LARGE1: variants seen among roughly 807,000 people sequenced by gnomAD.
The protein encoded by LARGE1 is LARGE xylosyl- and glucuronyltransferase 1.
In LARGE1, 43 loss-of-function variants were observed where a neutral mutation model predicts 87.6. That is an observed-to-expected ratio of 0.49 (90% CI 0.38 to 0.63). The LOEUF is 0.63. LARGE1 is among the 30% of genes least tolerant of loss of function. The pLI is 0.00. For synonymous variants in LARGE1, 434 were observed against 394.6 expected (o/e 1.10, Z -1.18); for missense variants, 802 against 1,000.2 (o/e 0.80, Z 2.67).
rs1262940769 is a variant in LARGE1, at chr22:33,564,871, C to G, written c.764G>C (p.Trp255Ser). The G allele has an allele frequency of 6.2e-7, 1 of 1,614,154 alleles. No individual in the cohort carries two copies. Among genetic ancestry groups the G allele is most frequent in the Non-Finnish European group, 8.5e-7 (1 of 1,180,028 alleles). The change falls in exon 6 of 15, where the codon TGG becomes TCG. Residue 255 changes from tryptophan to serine, a missense_variant. Trp to Ser is a radical substitution (Grantham distance 177). Coordinates refer to ENST00000397394, the MANE Select transcript of LARGE1 (RefSeq NM_133642.5). ...ITFATDIAEL[W>S]AVFHKFKGQQ... ...ACCTTTGAACTTGTGGAACACAGCCCACAGCTCTGCAATGTCAGTGGCAAA... is the reference window on the plus strand; with the variant it reads ...ACCTTTGAACTTGTGGAACACAGCCGACAGCTCTGCAATGTCAGTGGCAAA...
At chr22:33,497,309 C>G (rs1014762064) in intron 6 of LARGE1, among the ~76,000 whole-genome samples, 2 of 152,168 alleles carry the variant, frequency 1.3e-5, no homozygotes, top group Non-Finnish European at 2.9e-5. Flanking sequence ...CTCCTCACCT[C>G]AAGTGATCCA....
the LARGE1 span, among the ~76,000 whole-genome samples, chr22:33,122,047 C>T: frequency 1.3e-5 from 2 of 152,204 alleles, no homozygotes; most frequent in African/African-American, 2.4e-5. Context: ...GCTGGGGACA[C>T]AGTCAAACCA....
intron 5 of LARGE1, among the ~76,000 whole-genome samples, chr22:33,565,840 C>A (rs539169911): frequency 6.6e-6 from 1 of 152,206 alleles, no homozygotes; most frequent in Non-Finnish European, 1.5e-5. Flanking sequence ...GGTACACACA[C>A]GGGTGCCATT....
At chr22:33,723,051 T>G (rs2083157195) in intron 2 of LARGE1, among the ~76,000 whole-genome samples, 1 of 151,940 alleles carries the variant, frequency 6.6e-6, no homozygotes. Context: ...GAACAGGGAG[T>G]GGCACAGCCT....
rs572312633 is a variant in LARGE1 at position 33,287,359 on chromosome 22, A to G, written c.1731-4011T>C. Among the ~76,000 whole-genome samples the G allele has an allele frequency of 2.0e-5, 3 of 152,340 alleles. No homozygotes were observed. In the South Asian group the frequency reaches 6.2e-4, roughly 32 times the overall value. ...CCTAGCAAGCCTTATTTCCCTCTGC[A>G]TAGATAGCACCAGATTCCAGAGTGC... On this transcript the variant is annotated intron_variant, in intron 12 of 14. Coordinates refer to ENST00000397394, the MANE Select transcript of LARGE1 (RefSeq NM_133642.5).
chr22:33,314,853 T>C (rs1000682931), intron 11 of LARGE1, among the ~76,000 whole-genome samples: 2 of 152,198 alleles, frequency 1.3e-5, no homozygotes, highest in African/African-American at 2.4e-5. Context: ...CATGTAGCCC[T>C]GGCTGAGTGA....
At chr22:33,291,290 A>C (rs1932503938) in intron 12 of LARGE1, among the ~76,000 whole-genome samples, 1 of 152,240 alleles carries the variant, frequency 6.6e-6, no homozygotes, top group Non-Finnish European at 1.5e-5. Flanking sequence ...TGGTCCAATC[A>C]GACCCATCCT....
intron 10 of LARGE1, 114 bp downstream of exon 10, chr22:33,337,532 T>C: frequency 3.2e-6 from 4 of 1,268,680 alleles, no homozygotes; most frequent in Non-Finnish European, 4.5e-6. Flanking sequence ...ACCGATGGCG[T>C]TGTGTTCACC....
intron 12 of LARGE1, among the ~76,000 whole-genome samples, chr22:33,295,927 G>A (rs1232263148): frequency 6.6e-6 from 1 of 152,154 alleles, no homozygotes; most frequent in African/African-American, 2.4e-5. Flanking sequence ...AGTCAGAGAG[G>A]GGCAGGTGAG....
chr22:33,547,933 G>A (rs2077409063), intron 6 of LARGE1, among the ~76,000 whole-genome samples: 2 of 150,744 alleles, frequency 1.3e-5, no homozygotes, highest in African/African-American at 4.9e-5. Context: ...TAAAACTGTT[G>A]CCATAAAAAA....
chr22:33,661,684 G>A (rs1298479590), intron 2 of LARGE1, among the ~76,000 whole-genome samples: 1 of 152,074 alleles, frequency 6.6e-6, no homozygotes, highest in African/African-American at 2.4e-5. Context: ...TGCCCCTCCT[G>A]CTTCACTTGA....
At chr22:33,089,464 C>CTCT in the LARGE1 span, among the ~76,000 whole-genome samples, 96 of 142,472 alleles carry the variant, frequency 6.7e-4, 2 homozygotes, top group East Asian at 7.1e-3. Context: ...CCTCCTCTTC[C>CTCT]TCTTCTTCTT....
At chr22:33,622,014 C>A (rs185549502) in intron 4 of LARGE1, among the ~76,000 whole-genome samples, 7 of 152,250 alleles carry the variant, frequency 4.6e-5, no homozygotes. Flanking sequence ...GGAATACAAG[C>A]CATACAGGGA....
chr22:33,199,703 T>C (rs1256280520), intron 11 of LARGE1, among the ~76,000 whole-genome samples: 2 of 152,192 alleles, frequency 1.3e-5, no homozygotes, highest in Non-Finnish European at 2.9e-5. Context: ...CTCTATTCTG[T>C]TCTGTTAATC....
At chr22:33,640,827 C>T (rs927210527) in intron 3 of LARGE1, among the ~76,000 whole-genome samples, 14 of 152,286 alleles carry the variant, frequency 9.2e-5, no homozygotes, top group African/African-American at 3.4e-4. Flanking sequence ...GAACTCATGA[C>T]GGCATGGCAA....
At chr22:33,603,679 G>A (rs1449873239) in intron 5 of LARGE1, among the ~76,000 whole-genome samples, 1 of 152,182 alleles carries the variant, frequency 6.6e-6, no homozygotes. Flanking sequence ...AACCAGAGGT[G>A]TGCTCTGCTA....
chr22:33,243,485 T>C (rs1926614564), intron 11 of LARGE1, among the ~76,000 whole-genome samples: 1 of 152,244 alleles, frequency 6.6e-6, no homozygotes, highest in South Asian at 2.1e-4. Flanking sequence ...CAAATATTCC[T>C]TGGAATTATA....
At chr22:33,739,169 C>T (rs1324927243) in intron 2 of LARGE1, among the ~76,000 whole-genome samples, 5 of 152,082 alleles carry the variant, frequency 3.3e-5, no homozygotes, top group African/African-American at 9.7e-5. Context: ...ACCGTGCCAG[C>T]CCTGGGCTCA....
intron 10 of LARGE1, among the ~76,000 whole-genome samples, chr22:33,330,402 A>C (rs1207649377): frequency 1.3e-5 from 2 of 152,108 alleles, no homozygotes; most frequent in Admixed American, 6.6e-5. Context: ...AGCTCACTTC[A>C]ACCTTAAACT....
Sources: gnomAD v4.1 joint callset for allele counts (sites outside exome capture counted in the v4.1 genomes callset) on GRCh38, gnomAD v4.1.1 for gene constraint, MANE v1.5 for transcripts, NCBI Gene and HGNC (gene_info 2026-07-23, HGNC 2026-07-21) for gene names.